GCC2: variants seen among roughly 807,000 people sequenced by gnomAD.
GCC2 encodes the protein GRIP and coiled-coil domain-containing protein 2.
Under a neutral mutation model 210.6 loss-of-function variants are expected in GCC2, and 120 were observed. The observed-to-expected ratio is 0.57, with a 90% confidence interval of 0.49 to 0.66. The LOEUF (loss-of-function observed/expected upper bound fraction) is 0.66, where lower values mean the gene tolerates loss of function less well. Among genes scored for constraint, GCC2 ranks in the 30% least tolerant of loss-of-function variants. GCC2 has a pLI of 0.00. For synonymous variants in GCC2, 703 were observed against 652.7 expected (o/e 1.08, Z -1.17); for missense variants, 1,868 against 1,871.9 (o/e 1.00, Z 0.04).
rs750413831 is a variant in GCC2 at position 108,482,335 on chromosome 2, A to T, written c.3229A>T (p.Thr1077Ser). The change falls in exon 11 of 23, where the codon ACA becomes TCA. Residue 1077 changes from threonine (T) to serine (S), a missense_variant. Around this residue, in one of 3 missense-constraint regions of GCC2, gnomAD observed 1,847 missense variants for 1,765.2 expected, o/e 1.05. Coordinates refer to ENST00000309863, the MANE Select transcript of GCC2 (RefSeq NM_181453.4). Reference sequence around the variant, plus strand: ...TGAAGATCTCCTGGCTCGTATTGAGACATTACAGTCTAATGCCAAATTATT... The same window carrying T: ...TGAAGATCTCCTGGCTCGTATTGAGTCATTACAGTCTAATGCCAAATTATT... ...DNEDLLARIE[T>S]LQSNAKLLEV... 5 of 1,587,378 alleles carry T rather than the reference A, an allele frequency of 3.1e-6. No individual in the cohort carries two copies. The East Asian group carries it at 1.1e-4, about 36-fold the overall frequency.
At chr2:108,497,168 A>G in intron 21 of GCC2, 59 bp downstream of exon 21, 2 of 1,610,462 alleles carry the variant, frequency 1.2e-6, no homozygotes, top group South Asian at 1.1e-5. Context: ...TTGACCCTCC[A>G]TACACATGCA....
intron 22 of GCC2, among the ~76,000 whole-genome samples, chr2:108,504,136 G>C (rs1181831463): frequency 4.6e-5 from 7 of 151,930 alleles, no homozygotes; most frequent in African/African-American, 1.7e-4. Context: ...AAAAAATTAA[G>C]AAATAAAAAT....
intron 4 of GCC2, among the ~76,000 whole-genome samples, chr2:108,468,482 AT>A (rs1320019050): frequency 6.6e-6 from 1 of 151,658 alleles, no homozygotes; most frequent in East Asian, 1.9e-4. Flanking sequence ...CTCTTGGCTT[AT>A]TGATTTTTTT....
chr2:108,464,167 A>G (rs2718726), intron 4 of GCC2, among the ~76,000 whole-genome samples: 33,993 of 152,014 alleles, frequency 0.22, 4,214 homozygotes, highest in African/African-American at 0.32. Context: ...CGCTGCGACT[A>G]AGGAGAGTGA....
chr2:108,489,555 C>T (rs775704356), intron 17 of GCC2, among the ~76,000 whole-genome samples: 9 of 151,668 alleles, frequency 5.9e-5, no homozygotes, highest in Non-Finnish European at 1.3e-4. Context: ...CTTTAACTGA[C>T]ATAGTCCTGT....
Position 108,475,516 on chromosome 2 carries a change from A to AT in GCC2, c.2861-16dup. The AT allele has an allele frequency of 8.3e-7, 1 of 1,202,062 alleles. No individual in the cohort carries two copies. Among genetic ancestry groups the AT allele is most frequent in the Non-Finnish European group, 1.2e-6 (1 of 858,462 alleles). The allele number at this position is 1,202,062 out of a possible 1,614,324, so 74.5% of individuals were successfully genotyped here. ...TTCCTTTTGAGTTCGTATGTAATCC[A>AT]TTTATTTTCTATTTTTAGAAAATCT... On this transcript the variant is annotated intron_variant, in intron 7 of 22. Transcript: ENST00000309863.
intron 5 of GCC2, 154 bp from the exon 6 acceptor site, chr2:108,469,497 G>C (rs1430983403): frequency 3.5e-6 from 2 of 572,126 alleles, no homozygotes; most frequent in African/African-American, 3.8e-5. Context: ...AGCACCTAAG[G>C]AGAGTTATTG....
chr2:108,478,793 A>C (rs1451665437), intron 9 of GCC2, among the ~76,000 whole-genome samples: 1 of 152,226 alleles, frequency 6.6e-6, no homozygotes, highest in African/African-American at 2.4e-5. Context: ...CTAAGAGGAT[A>C]AATATCTCTG....
intron 17 of GCC2, among the ~76,000 whole-genome samples, chr2:108,488,187 G>A (rs2053262): frequency 0.36 from 55,016 of 151,880 alleles, 11,723 homozygotes; most frequent in East Asian, 0.88. Context: ...GATTACAGAC[G>A]TGAGCCACAG....
intron 4 of GCC2, among the ~76,000 whole-genome samples, chr2:108,466,765 AC>A (rs1049228168): frequency 2.0e-5 from 3 of 151,926 alleles, no homozygotes; most frequent in African/African-American, 7.3e-5. Context: ...AGCTACCTGC[AC>A]CCGGCCAGCT....
At chr2:108,504,496 T>G (rs1683089079) in intron 22 of GCC2, among the ~76,000 whole-genome samples, 1 of 152,164 alleles carries the variant, frequency 6.6e-6, no homozygotes, top group Non-Finnish European at 1.5e-5. Flanking sequence ...GTAAAGTGAC[T>G]TAGAGTGTAA....
At position 108,507,803 on chromosome 2, in the gene GCC2, A is replaced by G; in HGVS notation, c.*173A>G. 3.8e-6 allele frequency: 2 copies of G among 532,606 alleles called. No homozygotes were observed. The highest frequency in any genetic ancestry group is 6.8e-6 in the Non-Finnish European group (2 of 294,486). 33.0% of individuals were successfully genotyped at this position (532,606 alleles called of 1,614,324 possible). A position where few individuals can be genotyped will look rare whatever the true frequency, so the allele number is the denominator to read the frequency against. On this transcript the variant is annotated 3_prime_UTR_variant, in exon 23 of 23. Coordinates refer to ENST00000309863, the MANE Select transcript of GCC2 (RefSeq NM_181453.4). ...AAGTTTCATCTTGAAGTAAAAGTACAACAGCTTGAAGTGTTGATAGCAGGC... is the reference window on the plus strand; with the variant it reads ...AAGTTTCATCTTGAAGTAAAAGTACGACAGCTTGAAGTGTTGATAGCAGGC...
chr2:108,465,102 C>G (rs189345612), intron 4 of GCC2, among the ~76,000 whole-genome samples: 21 of 152,312 alleles, frequency 1.4e-4, no homozygotes, highest in South Asian at 1.2e-3. Context: ...CCCACTAGAC[C>G]CCACTGCCAA....
intron 21 of GCC2, 74 bp downstream of exon 21, chr2:108,497,183 C>A: frequency 6.2e-7 from 1 of 1,607,436 alleles, no homozygotes; most frequent in Non-Finnish European, 8.5e-7. Flanking sequence ...CATGCACGAT[C>A]TCAGCTCACT....
intron 16 of GCC2, 140 bp downstream of exon 16, chr2:108,486,788 C>G (rs1682163476): frequency 1.6e-6 from 1 of 609,516 alleles, no homozygotes; most frequent in Non-Finnish European, 2.5e-6. Context: ...TTCAGTTAAT[C>G]TGGCTTTAAC....
In GCC2 at chr2:108,461,830, C is replaced by CTTTTTTTTTTTTTTT. The variant is rs1313525353; in HGVS notation, c.217-7145_217-7144insTTTTTTTTTTTTTTT. ...CTAAATAGGTTTTCTTTTTTTTTTTCTTTTTCTTTTTTTTTTTTTTTGAGA... is the reference window on the plus strand; with the variant it reads ...CTAAATAGGTTTTCTTTTTTTTTTTCTTTTTTTTTTTTTTTTTTTTCTTTTTTTTTTTTTTTGAGA... On this transcript the variant is annotated intron_variant, in intron 4 of 22. Coordinates refer to ENST00000309863, the MANE Select transcript of GCC2 (RefSeq NM_181453.4). Among the ~76,000 whole-genome samples, 387 of 124,012 alleles carry CTTTTTTTTTTTTTTT rather than the reference C, an allele frequency of 3.1e-3. 1 individual carries two copies. The highest frequency in any genetic ancestry group is 4.2e-3 in the African/African-American group (135 of 31,796). The allele number at this position is 124,012 out of a possible 152,430, so 81.4% of individuals were successfully genotyped here. A position where few individuals can be genotyped will look rare whatever the true frequency, so the allele number is the denominator to read the frequency against.
rs759584353 is a variant in GCC2, at chr2:108,492,658, C to A, written c.4315C>A (p.Leu1439Ile). 3 of 1,613,624 alleles carry A rather than the reference C, an allele frequency of 1.9e-6. No individual in the cohort carries two copies. The highest frequency in any genetic ancestry group is 2.5e-6 in the Non-Finnish European group (3 of 1,179,648). Residue 1439 changes from leucine to isoleucine, a missense_variant, in exon 19 of 23, where the codon CTT becomes ATT. Leu to Ile is a conservative substitution (Grantham distance 5). Coordinates refer to ENST00000309863, the MANE Select transcript of GCC2 (RefSeq NM_181453.4). Reference protein sequence around the residue: ...VSQLTSQNEVLRNSFRDQVRH... With the variant: ...VSQLTSQNEVIRNSFRDQVRH... ...TCAGCTAACATCCCAGAACGAGGTC[C>A]TTCGAAATAGCTTCCGAGATCAAGT...
Position 108,471,905 on chromosome 2 carries a change from C to T in GCC2, c.2576C>T (p.Ser859Phe). ...EIQSEKEALQ[S>F]DLLEMKNANE... ...CAGTCAGAAAAAGAGGCCCTGCAGTCTGATCTTCTAGAAATGAAGAATGCT... is the reference window on the plus strand; with the variant it reads ...CAGTCAGAAAAAGAGGCCCTGCAGTTTGATCTTCTAGAAATGAAGAATGCT... The change falls in exon 6 of 23, where the codon TCT becomes TTT. Residue 859 changes from serine to phenylalanine, a missense_variant. Transcript: ENST00000309863. 1 of 1,602,066 alleles carries T rather than the reference C, an allele frequency of 6.2e-7. No individual in the cohort carries two copies. Among genetic ancestry groups the T allele is most frequent in the East Asian group, 2.2e-5 (1 of 44,800 alleles).
At chr2:108,492,421 C>T in intron 18 of GCC2, 152 bp from the exon 19 acceptor site, 2 of 617,380 alleles carry the variant, frequency 3.2e-6, no homozygotes, top group Non-Finnish European at 5.9e-6. Flanking sequence ...AGTTATTTCA[C>T]AATGAGTACA....
Sources: allele counts gnomAD v4.1 joint callset (sites outside exome capture counted in the v4.1 genomes callset), GRCh38; gene constraint gnomAD v4.1.1; regional missense constraint gnomAD v4.1.1; transcripts MANE v1.5; gene names NCBI Gene and HGNC (gene_info 2026-07-23, HGNC 2026-07-21).